Variants in RPTOR observed in about 807,000 individuals in gnomAD.
The protein encoded by RPTOR is regulatory-associated protein of mTOR.
A neutral mutation model predicts 169.9 loss-of-function variants in RPTOR; 21 were observed. That is an observed-to-expected ratio of 0.12 (90% CI 0.09 to 0.18). RPTOR has a LOEUF of 0.18. Ranked by LOEUF, RPTOR falls within the 10% of genes least tolerant of loss-of-function variation. The probability of loss-of-function intolerance (pLI) is 1.00; values close to 1 mark genes in which losing one functional copy is unlikely to be tolerated. For synonymous variants in RPTOR, 732 were observed against 753.2 expected, an observed-to-expected ratio of 0.97 and a Z score of 0.46; for missense variants, 1,133 against 1,855.9, an observed-to-expected ratio of 0.61 and a Z score of 7.16.
At chr17:80,790,806 T>G (rs375509207) in intron 6 of RPTOR, among the ~76,000 whole-genome samples, 7 of 152,344 alleles carry the variant, frequency 4.6e-5, no homozygotes, top group South Asian at 4.1e-4. Context: ...TTTCTCCTAC[T>G]AAAAATACTG....
At chr17:80,733,609 A>T (rs1282364474) in intron 5 of RPTOR, among the ~76,000 whole-genome samples, 3 of 152,336 alleles carry the variant, frequency 2.0e-5, no homozygotes, top group African/African-American at 7.2e-5. Context: ...TTAGGGTACA[A>T]ACCAAGAACA....
chr17:80,846,813 G>A (rs1268571120), intron 11 of RPTOR, among the ~76,000 whole-genome samples: 1 of 152,264 alleles, frequency 6.6e-6, no homozygotes, highest in African/African-American at 2.4e-5. Context: ...TTCCTCTAAA[G>A]CCATTGATTT....
At chr17:80,685,464 T>A (rs1371326275) in intron 3 of RPTOR, among the ~76,000 whole-genome samples, 1 of 148,516 alleles carries the variant, frequency 6.7e-6, no homozygotes, top group African/African-American at 2.5e-5. Context: ...TTTTTTTTAA[T>A]GTAGGAATAG....
In RPTOR at chr17:80,609,770, T is replaced by A. The variant is rs2065256903; in HGVS notation, c.163-15921T>A. Among the ~76,000 whole-genome samples the A allele has an allele frequency of 7.7e-6, 1 of 129,712 alleles. No individual in the cohort carries two copies. Among genetic ancestry groups the A allele is most frequent in the Non-Finnish European group, 1.7e-5 (1 of 59,938 alleles). The allele number at this position is 129,712 out of a possible 152,430, so 85.1% of individuals were successfully genotyped here. ...AAAAAAAAAAAAAAGTTTAAGGTGT[T>A]GGTTGTGTGTGTGTGTGTGTGTGTG... On this transcript the variant is annotated intron_variant, in intron 1 of 33. Coordinates refer to ENST00000306801, the MANE Select transcript of RPTOR (RefSeq NM_020761.3). This position sits in a 1 kb window ranked among gnomAD's most constrained non-coding sequence, Gnocchi z 4.8.
In RPTOR at chr17:80,712,310, T is replaced by G. The variant is rs868686548; in HGVS notation, c.507+4311T>G. On this transcript the variant is annotated intron_variant, in intron 4 of 33. Coordinates refer to ENST00000306801, the MANE Select transcript of RPTOR (RefSeq NM_020761.3). ...ATGTGTGATTTCCTGCAACCACCGT[T>G]AGGTTGCCACACAGAGTAGTGGTGT... Among the ~76,000 whole-genome samples, 3 of 152,208 alleles carry G rather than the reference T, an allele frequency of 2.0e-5. No individual in the cohort carries two copies. In the South Asian group the frequency reaches 6.2e-4, roughly 32 times the overall value.
intron 5 of RPTOR, among the ~76,000 whole-genome samples, chr17:80,744,906 G>GTTA: frequency 6.6e-6 from 1 of 150,578 alleles, no homozygotes; most frequent in Non-Finnish European, 1.5e-5. Context: ...CACTGTCCTG[G>GTTA]CTACTAGCAC....
intron 24 of RPTOR, among the ~76,000 whole-genome samples, chr17:80,939,744 A>C (rs1325229393): frequency 1.3e-5 from 2 of 152,138 alleles, no homozygotes; most frequent in East Asian, 3.9e-4. Flanking sequence ...CATTAGAGAG[A>C]GAATAAAGGC....
chr17:80,815,017 C>T (rs1339746766), intron 7 of RPTOR, among the ~76,000 whole-genome samples: 1 of 152,194 alleles, frequency 6.6e-6, no homozygotes, highest in Non-Finnish European at 1.5e-5. Context: ...TTGAGAATGA[C>T]AAGTCTGACA....
At chr17:80,809,380 A>G (rs1171405231) in intron 7 of RPTOR, among the ~76,000 whole-genome samples, 3 of 152,194 alleles carry the variant, frequency 2.0e-5, no homozygotes, top group East Asian at 1.9e-4. Context: ...TTTAGTAGAG[A>G]TGGGGTTTCA....
At chr17:80,620,756 A>G (rs986901676) in intron 1 of RPTOR, among the ~76,000 whole-genome samples, 22 of 152,260 alleles carry the variant, frequency 1.4e-4, no homozygotes, top group African/African-American at 5.3e-4. Flanking sequence ...ACAGAGCAAG[A>G]GTCTGTTTCA....
intron 1 of RPTOR, among the ~76,000 whole-genome samples, chr17:80,571,760 A>G (rs1022062118): frequency 1.3e-5 from 2 of 152,164 alleles, no homozygotes; most frequent in African/African-American, 4.8e-5. Context: ...AGCTCAAGCA[A>G]TCTGCCTGCC....
intron 11 of RPTOR, among the ~76,000 whole-genome samples, chr17:80,849,554 CTG>C (rs2067770803): frequency 6.6e-6 from 1 of 152,218 alleles, no homozygotes; most frequent in Non-Finnish European, 1.5e-5. Context: ...GAGTCTCACT[CTG>C]TTGCCCAGGC....
At position 80,677,867 on chromosome 17, in the gene RPTOR, C is replaced by T. The variant is rs151291426; in HGVS notation, c.349-29974C>T. 2.6e-3 allele frequency among the ~76,000 whole-genome samples: 395 copies of T among 152,264 alleles called. 2 individuals carry two copies. Among genetic ancestry groups the T allele is most frequent in the African/African-American group, 8.4e-3 (351 of 41,542 alleles). On this transcript the variant is annotated intron_variant, in intron 3 of 33. Coordinates refer to ENST00000306801, the MANE Select transcript of RPTOR (RefSeq NM_020761.3). The stretch of plus-strand genomic sequence containing the variant: ...CTGTATGGTGTGTTGTTGCGATGAT[C>T]GTGGTAGCAGGATTGATATCAGTAT...
At chr17:80,547,822 G>C (rs1298393313) in intron 1 of RPTOR, among the ~76,000 whole-genome samples, 2 of 152,162 alleles carry the variant, frequency 1.3e-5, no homozygotes, top group Non-Finnish European at 2.9e-5. Flanking sequence ...TAGGTTCAAA[G>C]ATAAAGACAA....
At chr17:80,874,683 A>G (rs1264949148) in intron 13 of RPTOR, among the ~76,000 whole-genome samples, 1 of 152,112 alleles carries the variant, frequency 6.6e-6, no homozygotes, top group Non-Finnish European at 1.5e-5. Context: ...CTGCTTCGGT[A>G]TCATTTCCCC....
At chr17:80,863,161 T>G (rs2067939644) in intron 13 of RPTOR, among the ~76,000 whole-genome samples, 1 of 152,136 alleles carries the variant, frequency 6.6e-6, no homozygotes, top group Admixed American at 6.5e-5. Flanking sequence ...GCCGTTTACA[T>G]GAGACAGAGC....
Position 80,738,426 on chromosome 17 carries a change from C to T in RPTOR, c.654+7720C>T, listed in dbSNP as rs935103301. On this transcript the variant is annotated intron_variant, in intron 5 of 33. Coordinates refer to ENST00000306801, the MANE Select transcript of RPTOR (RefSeq NM_020761.3). ...TTTTTGTTGGCACCTTTCGTAACTC[C>T]GAGTCCTAGAATTTGGAGGCTTCAG... Among the ~76,000 whole-genome samples, 9 of 152,196 alleles carry T rather than the reference C, an allele frequency of 5.9e-5. No homozygotes were observed. The South Asian group carries it at 1.0e-3, about 18-fold the overall frequency.
intron 21 of RPTOR, among the ~76,000 whole-genome samples, chr17:80,918,734 AC>A (rs2068709785): frequency 6.6e-6 from 1 of 151,786 alleles, no homozygotes; most frequent in South Asian, 2.1e-4. Flanking sequence ...TATGACTCCC[AC>A]CCCCTAGGGC....
chr17:80,674,798 A>C (rs1185103220), intron 3 of RPTOR, among the ~76,000 whole-genome samples: 1 of 47,360 alleles, frequency 2.1e-5, no homozygotes, highest in African/African-American at 8.0e-5. Flanking sequence ...AAAAAAAAAA[A>C]AAAAAAAAAA....
Sources: gnomAD v4.1 joint callset for allele counts (sites outside exome capture counted in the v4.1 genomes callset) on GRCh38, gnomAD v4.1.1 for gene constraint, Gnocchi (gnomAD v3.1) non-coding constraint, MANE v1.5 for transcripts, NCBI Gene and HGNC (gene_info 2026-07-23, HGNC 2026-07-21) for gene names.